R3HDM1: variants seen among roughly 807,000 people sequenced by gnomAD.
The protein encoded by R3HDM1 is R3H domain containing 1.
Under a neutral mutation model 141.1 loss-of-function variants are expected in R3HDM1, and 46 were observed. That is an observed-to-expected ratio of 0.33 (90% CI 0.26 to 0.42). R3HDM1 has a LOEUF of 0.42. Ranked by LOEUF, R3HDM1 falls within the 10% of genes least tolerant of loss-of-function variation. R3HDM1 has a pLI of 1.00. For missense variants in R3HDM1, 1,184 were observed against 1,368.3 expected, an observed-to-expected ratio of 0.87 and a Z score of 2.12; for synonymous variants, 435 against 472.9, an observed-to-expected ratio of 0.92 and a Z score of 1.04.
intron 1 of R3HDM1, among the ~76,000 whole-genome samples, chr2:135,562,949 A>G (rs1702057519): frequency 6.6e-6 from 1 of 152,186 alleles, no homozygotes. Flanking sequence ...AACTAGGGCG[A>G]CCACATTACC....
intron 1 of R3HDM1, among the ~76,000 whole-genome samples, chr2:135,553,932 C>T (rs938252591): frequency 1.3e-5 from 2 of 152,174 alleles, no homozygotes; most frequent in African/African-American, 2.4e-5. Context: ...TCAGCTGATC[C>T]GCCCACCTTG....
At chr2:135,678,207 A>G (rs912078760) in intron 20 of R3HDM1, among the ~76,000 whole-genome samples, 1 of 150,968 alleles carries the variant, frequency 6.6e-6, no homozygotes, top group Admixed American at 6.6e-5. Context: ...CAAGTGATCT[A>G]CCCTCCTTGG....
At chr2:135,589,101 T>C (rs1250934603) in intron 1 of R3HDM1, among the ~76,000 whole-genome samples, 1 of 152,196 alleles carries the variant, frequency 6.6e-6, no homozygotes. Flanking sequence ...ACTGTCATTA[T>C]ATTGTTTTCA....
intron 1 of R3HDM1, among the ~76,000 whole-genome samples, chr2:135,587,374 T>G (rs906470066): frequency 6.6e-6 from 1 of 152,140 alleles, no homozygotes; most frequent in Non-Finnish European, 1.5e-5. Context: ...TCCTTCCCCC[T>G]CCATTTACAA....
At chr2:135,652,640 A>G (rs369035211) in intron 18 of R3HDM1, among the ~76,000 whole-genome samples, 1 of 152,140 alleles carries the variant, frequency 6.6e-6, no homozygotes, top group Non-Finnish European at 1.5e-5. Flanking sequence ...TACTATCCGG[A>G]TGGTAGTAGC....
intron 1 of R3HDM1, among the ~76,000 whole-genome samples, chr2:135,539,089 A>C (rs575199543): frequency 6.6e-6 from 1 of 152,316 alleles, no homozygotes; most frequent in African/African-American, 2.4e-5. Flanking sequence ...ACAATTACAC[A>C]CATGACTCTG....
intron 3 of R3HDM1, chr2:135,607,899 T>A: frequency 1.0e-6 from 1 of 982,220 alleles, no homozygotes; most frequent in Non-Finnish European, 1.2e-6. Context: ...GTCTTTGACC[T>A]CTTGTTTCCT....
Position 135,724,319 on chromosome 2 carries a change from A to G in R3HDM1, c.*27A>G, listed in dbSNP as rs1356576996. 6.6e-7 allele frequency: 1 copy of G among 1,508,252 alleles called. No individual in the cohort carries two copies. Among genetic ancestry groups the G allele is most frequent in the Non-Finnish European group, 9.1e-7 (1 of 1,101,654 alleles). 93.4% of individuals were successfully genotyped at this position (1,508,252 alleles called of 1,614,324 possible). A position where few individuals can be genotyped will look rare whatever the true frequency, so the allele number is the denominator to read the frequency against. ...AGCCACCTTTGGACCCTTCGCCTTT[A>G]TGGTTCCCCTGCCCTCTCCCATCTT... is the stretch of plus-strand genomic sequence containing the variant. On this transcript the variant is annotated 3_prime_UTR_variant, in exon 27 of 27. Transcript: ENST00000683871.
rs151337556 is a variant in R3HDM1 at position 135,657,025 on chromosome 2, G to A, written c.2029-4245G>A. On this transcript the variant is annotated intron_variant, in intron 18 of 26. Transcript: ENST00000683871. ...TGAGGCACAAGAATTGCTTGAACCCGGGCAGCAGAGGTTGCAGTGAGCTGA... is the reference window on the plus strand; with the variant it reads ...TGAGGCACAAGAATTGCTTGAACCCAGGCAGCAGAGGTTGCAGTGAGCTGA... Among the ~76,000 whole-genome samples, 1,151 of 152,016 alleles carry A rather than the reference G, an allele frequency of 7.6e-3. 5 individuals carry two copies. Among genetic ancestry groups the A allele is most frequent in the Middle Eastern group, 0.054 (16 of 294 alleles).
At chr2:135,671,709 C>G (rs1483499505) in intron 19 of R3HDM1, among the ~76,000 whole-genome samples, 1 of 151,956 alleles carries the variant, frequency 6.6e-6, no homozygotes, top group African/African-American at 2.4e-5. Context: ...GGCGCCATGG[C>G]TCATGCCTAT....
At chr2:135,711,514 T>C in intron 23 of R3HDM1, among the ~76,000 whole-genome samples, 1 of 150,122 alleles carries the variant, frequency 6.7e-6, no homozygotes, top group African/African-American at 2.5e-5. Context: ...ATACAAAAAA[T>C]TATTCGGCCA....
At chr2:135,549,320 A>T (rs6724608) in intron 1 of R3HDM1, among the ~76,000 whole-genome samples, 38,951 of 151,762 alleles carry the variant, frequency 0.26, 8,822 homozygotes, top group African/African-American at 0.6. Context: ...TTTGGGAGGC[A>T]GAGGCAGGTG....
chr2:135,602,539 A>C lies in R3HDM1; in HGVS notation c.-210A>C. 3.4e-6 allele frequency: 5 copies of C among 1,459,210 alleles called. No individual in the cohort carries two copies. In the South Asian group the frequency reaches 4.4e-5, roughly 13 times the overall value. 90.4% of individuals were successfully genotyped at this position (1,459,210 alleles called of 1,614,324 possible). ...TGATATATTTGATCCAAGACAGTCC[A>C]TTCCAGTCCGGGAATCTACAGTGGT... On this transcript the variant is annotated 5_prime_UTR_variant, in exon 2 of 27. Coordinates refer to ENST00000683871, the MANE Select transcript of R3HDM1 (RefSeq NM_001378107.1).
intron 1 of R3HDM1, among the ~76,000 whole-genome samples, chr2:135,574,407 A>T (rs113635757): frequency 6.6e-6 from 1 of 152,258 alleles, no homozygotes; most frequent in Non-Finnish European, 1.5e-5. Context: ...GAGCAATTCT[A>T]TCAGACCTTC....
chr2:135,699,095 A>ATAGATAGATAGATAGATAGAT (rs1184734241), intron 21 of R3HDM1, among the ~76,000 whole-genome samples: 3 of 151,816 alleles, frequency 2.0e-5, no homozygotes, highest in African/African-American at 7.3e-5. Context: ...AGATAGATAG[A>ATAGATAGATAGATAGATAGAT]TAGATAGATT....
intron 21 of R3HDM1, among the ~76,000 whole-genome samples, chr2:135,692,115 T>C (rs2072492842): frequency 6.6e-6 from 1 of 152,032 alleles, no homozygotes; most frequent in Admixed American, 6.5e-5. Context: ...GTTCACCATG[T>C]TGTCCAGGCA....
At chr2:135,579,032 C>T (rs948388172) in intron 1 of R3HDM1, among the ~76,000 whole-genome samples, 1 of 152,084 alleles carries the variant, frequency 6.6e-6, no homozygotes, top group Non-Finnish European at 1.5e-5. Flanking sequence ...GAGCTCTGTC[C>T]TGAGAGAGCC....
intron 7 of R3HDM1, among the ~76,000 whole-genome samples, chr2:135,626,250 G>T (rs1379664207): frequency 2.1e-4 from 23 of 110,804 alleles, no homozygotes; most frequent in African/African-American, 1.1e-3. Flanking sequence ...CTTGCTTGCT[G>T]GTGGAGAGAA....
intron 11 of R3HDM1, among the ~76,000 whole-genome samples, chr2:135,636,841 T>A (rs1267023170): frequency 6.6e-6 from 1 of 151,634 alleles, no homozygotes; most frequent in African/African-American, 2.4e-5. Flanking sequence ...AGATTGTAAG[T>A]GAAGAACTTA....
Sources: allele counts gnomAD v4.1 joint callset (sites outside exome capture counted in the v4.1 genomes callset), GRCh38; gene constraint gnomAD v4.1.1; transcripts MANE v1.5; gene names NCBI Gene and HGNC (gene_info 2026-07-23, HGNC 2026-07-21).